HERC1: variants seen among roughly 807,000 people sequenced by gnomAD.
HERC1 encodes the protein probable E3 ubiquitin-protein ligase HERC1.
A neutral mutation model predicts 554.3 loss-of-function variants in HERC1; 160 were observed. The ratio of observed to expected loss-of-function variants is 0.29; its 90% CI spans 0.25 to 0.33. The LOEUF (loss-of-function observed/expected upper bound fraction) is 0.33. Among genes scored for constraint, HERC1 ranks in the 10% least tolerant of loss-of-function variants. HERC1 has a pLI of 1.00. For missense variants in HERC1, 4,919 were observed against 5,918.5 expected (o/e 0.83, Z 5.54); for synonymous variants, 2,175 against 2,131.7 (o/e 1.02, Z -0.56).
intron 66 of HERC1, 53 bp downstream of exon 66, chr15:63,634,680 G>A: frequency 6.6e-7 from 1 of 1,504,018 alleles, no homozygotes; most frequent in South Asian, 1.2e-5. Context: ...AGCGAACACA[G>A]AAGAAATGAG....
In HERC1 at chr15:63,642,927, C is replaced by T. The variant is rs1349509430; in HGVS notation, c.11433+30G>A. ...TTCTAAAGTTCCTTACAAGCTTACA[C>T]CCTATCATTTGATATAACTACAATA... is the stretch of plus-strand genomic sequence containing the variant. On this transcript the variant is annotated intron_variant, in intron 59 of 77. Coordinates refer to ENST00000443617, the MANE Select transcript of HERC1 (RefSeq NM_003922.4). The T allele has an allele frequency of 3.9e-6, 5 of 1,275,024 alleles. No individual in the cohort carries two copies. In the Admixed American group the frequency reaches 5.3e-5, roughly 13 times the overall value. The allele number at this position is 1,275,024 out of a possible 1,614,324, so 79.0% of individuals were successfully genotyped here.
chr15:63,822,190 G>A (rs1195789591), intron 1 of HERC1, among the ~76,000 whole-genome samples: 2 of 152,230 alleles, frequency 1.3e-5, no homozygotes, highest in Admixed American at 1.3e-4. Flanking sequence ...CAATGTAGCA[G>A]AAGTGGAATA....
At position 63,643,037 on chromosome 15, in the gene HERC1, C is replaced by T; in HGVS notation, c.11353G>A (p.Val3785Ile). 1 of 1,612,102 alleles carries T rather than the reference C, an allele frequency of 6.2e-7. No individual in the cohort carries two copies. Among genetic ancestry groups the T allele is most frequent in the East Asian group, 2.2e-5 (1 of 44,844 alleles). The stretch of plus-strand genomic sequence containing the variant: ...TGAATAGCTCCAGAGCCTATCACAA[C>T]AGTTTGCAAGACAGAGCCATCCTAA... ...SLRDGSVLQT[V>I]VIGSGAIQTT... The change falls in exon 59 of 78, where the codon GTT becomes ATT. Residue 3785 changes from valine to isoleucine, a missense_variant. By Grantham distance (29) the Val-to-Ile change is conservative. Transcript: ENST00000443617.
intron 1 of HERC1, among the ~76,000 whole-genome samples, chr15:63,783,080 G>C (rs1335312438): frequency 1.3e-5 from 2 of 152,178 alleles, no homozygotes; most frequent in Non-Finnish European, 2.9e-5. Context: ...TGACAACAAA[G>C]GATTAGAATA....
At chr15:63,745,473 T>G (rs1212150661) in intron 12 of HERC1, among the ~76,000 whole-genome samples, 1 of 152,220 alleles carries the variant, frequency 6.6e-6, no homozygotes, top group Non-Finnish European at 1.5e-5. Flanking sequence ...AGGGTTGGTT[T>G]AAATGCTCCC....
rs756098685 is a variant in HERC1, at chr15:63,640,146, A to T, written c.11901+6T>A. The T allele has an allele frequency of 1.1e-5, 17 of 1,612,858 alleles. No individual in the cohort carries two copies. The highest frequency in any genetic ancestry group is 1.3e-5 in the Non-Finnish European group (15 of 1,179,180). ...TGCAAATAATAGCAGCTCACAGTAC[A>T]TTTACCATTAGAAATACAAGTTCAT... On this transcript the variant is annotated splice_donor_region_variant and intron_variant, in intron 61 of 77. Transcript: ENST00000443617.
Position 63,680,408 on chromosome 15 carries a change from C to G in HERC1, c.6465+129G>C. 1 of 1,058,648 alleles carries G rather than the reference C, an allele frequency of 9.4e-7. No individual in the cohort carries two copies. Among genetic ancestry groups the G allele is most frequent in the South Asian group, 1.7e-5 (1 of 58,328 alleles). The allele number at this position is 1,058,648 out of a possible 1,614,324, so 65.6% of individuals were successfully genotyped here. ...TTGTTGTTAATAAATGTTTTAAGAA[C>G]CAGAAAGTATTAGAGAGAAAGGAGA... On this transcript the variant is annotated intron_variant, in intron 35 of 77. Coordinates refer to ENST00000443617, the MANE Select transcript of HERC1 (RefSeq NM_003922.4). This position sits in a 1 kb window ranked among gnomAD's most constrained non-coding sequence, Gnocchi z 5.8.
rs750292174 is a variant in HERC1 at position 63,634,772 on chromosome 15, T to C, written c.12531A>G (p.Pro4177=). Residue 4177 remains proline (P), a synonymous_variant, in exon 66 of 78, where the codon CCA becomes CCG. Coordinates refer to ENST00000443617, the MANE Select transcript of HERC1 (RefSeq NM_003922.4). ...ATCCCTCCAGTGCAGTCACTCTCTC[T>C]GGAAGTTTTTTGTTAGAGGTATTTC... The part of the protein sequence containing the change: ...GLGNTSNKKL[P]ERVTALEGYQ... 2.5e-6 allele frequency: 4 copies of C among 1,613,432 alleles called. No individual in the cohort carries two copies. The highest frequency in any genetic ancestry group is 3.4e-6 in the Non-Finnish European group (4 of 1,179,600).
chr15:63,717,090 C>A (rs2073589310), intron 21 of HERC1, among the ~76,000 whole-genome samples: 1 of 152,092 alleles, frequency 6.6e-6, no homozygotes, highest in African/African-American at 2.4e-5. Context: ...GTATAAAGCA[C>A]AAATGAAAAA....
At chr15:63,824,386 T>G (rs1010581519) in intron 1 of HERC1, among the ~76,000 whole-genome samples, 7 of 151,836 alleles carry the variant, frequency 4.6e-5, no homozygotes, top group Non-Finnish European at 8.8e-5. Context: ...ACAAAAAAAT[T>G]AGCCGGGTGT....
intron 1 of HERC1, among the ~76,000 whole-genome samples, chr15:63,825,012 T>C (rs1055668409): frequency 3.3e-5 from 5 of 151,810 alleles, no homozygotes; most frequent in African/African-American, 1.2e-4. Context: ...AGATCTAAAA[T>C]ATAGCATGAG....
intron 19 of HERC1, among the ~76,000 whole-genome samples, chr15:63,721,951 C>T (rs922877997): frequency 1.3e-5 from 2 of 152,204 alleles, no homozygotes; most frequent in Admixed American, 6.5e-5. Context: ...ACCTCCACCT[C>T]CTGGGTTCAA....
At chr15:63,729,397 T>G in intron 15 of HERC1, 29 bp from the exon 16 acceptor site, 1 of 1,592,352 alleles carries the variant, frequency 6.3e-7, no homozygotes, top group Non-Finnish European at 8.5e-7. Flanking sequence ...CCTAAATTAC[T>G]ACTTTGAAAG....
In HERC1 at chr15:63,733,010, G is replaced by A. The variant is rs375971299; in HGVS notation, c.2782C>T (p.Pro928Ser). The A allele has an allele frequency of 6.2e-7, 1 of 1,613,858 alleles. No individual in the cohort carries two copies. ...CTGYGNLSDQ[P>S]YGTQSCHPDT... is the part of the protein sequence containing the mutation. The stretch of plus-strand genomic sequence containing the variant: ...GGATGGCAGCTCTGAGTGCCGTAAG[G>A]TTGATCTGACAGATTTCCGTAGCCA... The change falls in exon 14 of 78, where the codon CCT becomes TCT. Residue 928 changes from proline (P) to serine (S), a missense_variant. Coordinates refer to ENST00000443617, the MANE Select transcript of HERC1 (RefSeq NM_003922.4).
intron 75 of HERC1, 123 bp from the exon 76 acceptor site, chr15:63,616,043 C>T (rs1437322331): frequency 1.2e-6 from 1 of 823,216 alleles, no homozygotes; most frequent in Non-Finnish European, 1.9e-6. Flanking sequence ...ACAAGGAACA[C>T]AAAACAGGTA....
In HERC1 at chr15:63,666,055, C is replaced by T; in HGVS notation, c.8419G>A (p.Gly2807Ser). Residue 2807 changes from glycine to serine, a missense_variant, in exon 42 of 78, where the codon GGC (glycine) becomes AGC (serine). By Grantham distance (56) the Gly-to-Ser change is moderately conservative (BLOSUM62 0). This residue lies in a region of HERC1 where 1,963 missense variants were observed against 2,228.6 expected (regional missense o/e 0.88). Transcript: ENST00000443617. ...GHEDEEEPQSGSTADSRPGAA... is the reference protein window; with the variant it reads ...GHEDEEEPQSSSTADSRPGAA... ...CCAGGCCTAGAGTCTGCTGTGCTGC[C>T]CGACTGGGGCTCCTCTTCATCCTCA... 2 of 1,614,006 alleles carry T rather than the reference C, an allele frequency of 1.2e-6. No homozygotes were observed. The highest frequency in any genetic ancestry group is 4.5e-5 in the East Asian group (2 of 44,874).
At chr15:63,762,739 C>A (rs146515934) in intron 3 of HERC1, among the ~76,000 whole-genome samples, 1 of 152,318 alleles carries the variant, frequency 6.6e-6, no homozygotes, top group East Asian at 1.9e-4. Flanking sequence ...AGCATTTATT[C>A]TGCTCTTCCC....
rs961642908 is a variant in HERC1, at chr15:63,756,712, T to C, written c.1258A>G (p.Thr420Ala). The C allele has an allele frequency of 2.5e-6, 4 of 1,611,734 alleles. No homozygotes were observed. Among genetic ancestry groups the C allele is most frequent in the East Asian group, 4.5e-5 (2 of 44,856 alleles). Residue 420 changes from threonine to alanine, a missense_variant, in exon 5 of 78, where the codon ACG becomes GCG. Physicochemically the swap from Thr to Ala is moderately conservative, Grantham distance 58. This residue lies in a region of HERC1 where 744 missense variants were observed against 1,090.0 expected (regional missense o/e 0.68). Coordinates refer to ENST00000443617, the MANE Select transcript of HERC1 (RefSeq NM_003922.4). This position sits in a 1 kb window ranked among gnomAD's most constrained non-coding sequence, Gnocchi z 5.0. ...CCGCAAGCTCTAACAGAGCCATCCGTAGAAATGACAAAAGTGCAGTACTGT... is the reference window on the plus strand; with the variant it reads ...CCGCAAGCTCTAACAGAGCCATCCGCAGAAATGACAAAAGTGCAGTACTGT... ...AGQYCTFVIS[T>A]DGSVRACGKG...
intron 1 of HERC1, among the ~76,000 whole-genome samples, chr15:63,826,477 T>G (rs2077907496): frequency 6.6e-6 from 1 of 152,064 alleles, no homozygotes; most frequent in Admixed American, 6.6e-5. Context: ...ATATCACATA[T>G]TCTAGCCTAA....
Sources: allele counts gnomAD v4.1 joint callset (sites outside exome capture counted in the v4.1 genomes callset), GRCh38; gene constraint gnomAD v4.1.1; regional missense constraint gnomAD v4.1.1; non-coding constraint Gnocchi (gnomAD v3.1); transcripts MANE v1.5; gene names NCBI Gene and HGNC (gene_info 2026-07-23, HGNC 2026-07-21).